Variants in PIEZO2 observed in about 807,000 individuals in gnomAD.
PIEZO2 encodes the protein piezo type mechanosensitive ion channel component 2, also known as piezo-type mechanosensitive ion channel component 2.
PIEZO2 carries 172 observed loss-of-function variants against 337.3 expected under a neutral mutation model. That is an observed-to-expected ratio of 0.51 (90% CI 0.45 to 0.58). PIEZO2 has a LOEUF of 0.58. Among genes scored for constraint, PIEZO2 ranks in the 20% least tolerant of loss-of-function variants. The pLI, the probability that PIEZO2 is intolerant of heterozygous loss-of-function variation, is 0.00. For synonymous variants in PIEZO2, 1,251 were observed against 1,228.5 expected (o/e 1.02, Z -0.38); for missense variants, 3,028 against 3,391.3 (o/e 0.89, Z 2.66).
At position 10,942,298 on chromosome 18, in the gene PIEZO2, C is replaced by T. The variant is rs947526008; in HGVS notation, c.287-31070G>A. On this transcript the variant is annotated intron_variant, in intron 3 of 55. Transcript: ENST00000674853. The surrounding 1 kb of genome is among the most constrained non-coding windows in gnomAD (Gnocchi z 4.4). ...ACAGCTTAGAGGGCTCAGAAGAAGA[C>T]AGGAATATGTGGGAAAGCTTGGAAC... Among the ~76,000 whole-genome samples the T allele has an allele frequency of 6.6e-6, 1 of 152,094 alleles. No individual in the cohort carries two copies. The highest frequency in any genetic ancestry group is 1.5e-5 in the Non-Finnish European group (1 of 68,020).
chr18:11,134,517 C>T (rs2040427845), intron 1 of PIEZO2, among the ~76,000 whole-genome samples: 1 of 152,104 alleles, frequency 6.6e-6, no homozygotes, highest in Admixed American at 6.6e-5. Flanking sequence ...CTAAAAAGGC[C>T]CTCATCCCAA....
In PIEZO2 at chr18:10,899,254, G is replaced by A. The variant is rs370313626; in HGVS notation, c.329+11932C>T. Among the ~76,000 whole-genome samples, 2 of 152,112 alleles carry A rather than the reference G, an allele frequency of 1.3e-5. No individual in the cohort carries two copies. The highest frequency in any genetic ancestry group is 6.6e-5 in the Admixed American group (1 of 15,266). On this transcript the variant is annotated intron_variant, in intron 4 of 55. Transcript: ENST00000674853. This position sits in a 1 kb window ranked among gnomAD's most constrained non-coding sequence, Gnocchi z 4.6. ...TACTGGGACAATCCTGTAGTTGTTC[G>A]CTACTTCAAATATTCTGTGTAAACT...
At chr18:10,747,425 G>C (rs1200536758) in intron 30 of PIEZO2, among the ~76,000 whole-genome samples, 1 of 152,166 alleles carries the variant, frequency 6.6e-6, no homozygotes, top group Non-Finnish European at 1.5e-5. Context: ...GCATTTACCT[G>C]CAAAAATACC....
Position 10,714,932 on chromosome 18 carries a change from T to G in PIEZO2, c.5257-2A>C, listed in dbSNP as rs949843271. ...GCTCTCCCGAGTTGGAACATTGCCC[T>G]GAGGAGAATGAGACATTGCCACAGT... On this transcript the variant is annotated splice_acceptor_variant, in intron 38 of 55. Transcript: ENST00000674853. LOFTEE classifies it high-confidence loss of function. The G allele has an allele frequency of 1.3e-6, 2 of 1,536,738 alleles. No homozygotes were observed. Among genetic ancestry groups the G allele is most frequent in the African/African-American group, 2.7e-5 (2 of 73,032 alleles).
chr18:10,684,587 C>T (rs1372110200), intron 49 of PIEZO2, among the ~76,000 whole-genome samples: 7 of 151,950 alleles, frequency 4.6e-5, no homozygotes, highest in Non-Finnish European at 2.9e-5. Flanking sequence ...GCCTCAGCCT[C>T]TCAAGTAGCT....
intron 2 of PIEZO2, among the ~76,000 whole-genome samples, chr18:10,996,936 A>T (rs1391548102): frequency 2.0e-5 from 3 of 152,178 alleles, no homozygotes; most frequent in Non-Finnish European, 4.4e-5. Context: ...GGTCCCAAGA[A>T]CTAAAGATTA....
Position 10,726,255 on chromosome 18 carries a change from C to T in PIEZO2, c.5029+5152G>A, listed in dbSNP as rs1463220387. 7.8e-6 allele frequency: 6 copies of T among 774,084 alleles called. No homozygotes were observed. Among genetic ancestry groups the T allele is most frequent in the African/African-American group, 1.7e-5 (1 of 58,292 alleles). The allele number at this position is 774,084 out of a possible 1,614,324, so 48.0% of individuals were successfully genotyped here. On this transcript the variant is annotated intron_variant, in intron 36 of 55. Transcript: ENST00000674853. The surrounding 1 kb of genome is among the most constrained non-coding windows in gnomAD (Gnocchi z 5.9). ...GGGCTGGAAGAGCTTGTGTGCGAGC[C>T]TGTGTTCGGGAGCATGAGAATGGAA...
At chr18:10,991,088 G>A (rs1261401636) in intron 2 of PIEZO2, among the ~76,000 whole-genome samples, 2 of 149,736 alleles carry the variant, frequency 1.3e-5, no homozygotes, top group Non-Finnish European at 3.0e-5. Flanking sequence ...TTTATTAATT[G>A]TTTTATAGAA....
Position 11,110,145 on chromosome 18 carries a change from G to T in PIEZO2, c.64+38380C>A, listed in dbSNP as rs1361717107. Reference sequence around the variant, plus strand: ...TTTCTTTTTAAAATTCTTATTTAAAGACAGCATCTTACTCTATCACCCAGG... The same window carrying T: ...TTTCTTTTTAAAATTCTTATTTAAATACAGCATCTTACTCTATCACCCAGG... On this transcript the variant is annotated intron_variant, in intron 1 of 55. Transcript: ENST00000674853. This position sits in a 1 kb window ranked among gnomAD's most constrained non-coding sequence, Gnocchi z 4.2. 6.6e-6 allele frequency among the ~76,000 whole-genome samples: 1 copy of T among 152,038 alleles called. No individual in the cohort carries two copies. The highest frequency in any genetic ancestry group is 1.9e-4 in the East Asian group (1 of 5,186).
At chr18:10,690,526 T>C (rs1167217885) in intron 48 of PIEZO2, among the ~76,000 whole-genome samples, 1 of 152,152 alleles carries the variant, frequency 6.6e-6, no homozygotes, top group South Asian at 2.1e-4. Context: ...GGAAGCAACA[T>C]CAGGCCCAGT....
chr18:10,985,191 G>A (rs562847120), intron 2 of PIEZO2, among the ~76,000 whole-genome samples: 29 of 152,020 alleles, frequency 1.9e-4, no homozygotes, highest in African/African-American at 4.8e-4. Flanking sequence ...TCAGAATACC[G>A]TAATGGTGAT....
chr18:10,788,885 C>T (rs1430806336), intron 15 of PIEZO2, among the ~76,000 whole-genome samples, 194 bp downstream of exon 15: 1 of 152,208 alleles, frequency 6.6e-6, no homozygotes, highest in Non-Finnish European at 1.5e-5. Context: ...GCACCCAGCC[C>T]TGAAATTCTG....
chr18:10,678,048 A>G (rs796386918), intron 52 of PIEZO2, among the ~76,000 whole-genome samples, 173 bp from the exon 53 acceptor site: 98 of 152,360 alleles, frequency 6.4e-4, no homozygotes, highest in African/African-American at 2.3e-3. Context: ...CTTCTTAGAC[A>G]ATCGAGTTAA....
At chr18:10,829,296 C>T (rs919510187) in intron 7 of PIEZO2, among the ~76,000 whole-genome samples, 1 of 151,502 alleles carries the variant, frequency 6.6e-6, no homozygotes, top group Non-Finnish European at 1.5e-5. Flanking sequence ...ATAGAAGGAA[C>T]ATACCTCAAC....
Position 11,126,390 on chromosome 18 carries a change from G to T in PIEZO2, c.64+22135C>A, listed in dbSNP as rs2040183497. Among the ~76,000 whole-genome samples the T allele has an allele frequency of 6.6e-6, 1 of 152,084 alleles. No homozygotes were observed. Among genetic ancestry groups the T allele is most frequent in the Admixed American group, 6.5e-5 (1 of 15,268 alleles). On this transcript the variant is annotated intron_variant, in intron 1 of 55. Transcript: ENST00000674853. The surrounding 1 kb of genome is among the most constrained non-coding windows in gnomAD (Gnocchi z 4.6). ...CACTGCGCCAGCCTGAGCGCCCATGGCCACAGTGATGACTGTTCCATCTTA... is the reference window on the plus strand; with the variant it reads ...CACTGCGCCAGCCTGAGCGCCCATGTCCACAGTGATGACTGTTCCATCTTA...
At chr18:10,777,831 A>T (rs1208954983) in intron 18 of PIEZO2, among the ~76,000 whole-genome samples, 1 of 152,206 alleles carries the variant, frequency 6.6e-6, no homozygotes, top group Non-Finnish European at 1.5e-5. Context: ...ACTGTTTAAG[A>T]TAAATTATTA....
At chr18:11,030,236 G>T (rs1402585562) in intron 2 of PIEZO2, among the ~76,000 whole-genome samples, 1 of 152,172 alleles carries the variant, frequency 6.6e-6, no homozygotes, top group Non-Finnish European at 1.5e-5. Flanking sequence ...ACATTCACAG[G>T]TGTGATGAAA....
intron 2 of PIEZO2, among the ~76,000 whole-genome samples, chr18:10,981,551 A>T (rs2034667400): frequency 6.6e-6 from 1 of 152,204 alleles, no homozygotes; most frequent in Non-Finnish European, 1.5e-5. Context: ...CTCATGGCTG[A>T]CTAAGAATAG....
Position 10,741,012 on chromosome 18 carries a change from G to A in PIEZO2, c.4708+19C>T, listed in dbSNP as rs773656988. ...AGGGTTAGAGTCGATGAGGTTGTAA[G>A]GGGATCGAGAAAACCTACTGGAAGC... On this transcript the variant is annotated intron_variant, in intron 33 of 55. Coordinates refer to ENST00000674853, the MANE Select transcript of PIEZO2 (RefSeq NM_001378183.1). 9 of 1,524,272 alleles carry A rather than the reference G, an allele frequency of 5.9e-6. No homozygotes were observed. The South Asian group carries it at 7.2e-5, about 12-fold the overall frequency. 94.4% of individuals were successfully genotyped at this position (1,524,272 alleles called of 1,614,324 possible).
Sources: allele counts gnomAD v4.1 joint callset (sites outside exome capture counted in the v4.1 genomes callset), GRCh38; gene constraint gnomAD v4.1.1; non-coding constraint Gnocchi (gnomAD v3.1); transcripts MANE v1.5; gene names NCBI Gene and HGNC (gene_info 2026-07-23, HGNC 2026-07-21).